The following GALNT13 variants were observed in gnomAD, a reference collection of about 807,000 sequenced individuals.
The protein encoded by GALNT13 is polypeptide N-acetylgalactosaminyltransferase 13, also known as UDP-GalNAc:polypeptide N-acetylgalactosaminyltransferase 13.
In GALNT13, 28 loss-of-function variants were observed where a neutral mutation model predicts 64.2. The observed-to-expected ratio is 0.44, with a 90% CI of 0.32 to 0.60. The LOEUF (loss-of-function observed/expected upper bound fraction) is 0.60, where lower values mean the gene tolerates loss of function less well. Ranked by LOEUF, GALNT13 falls within the 20% of genes least tolerant of loss-of-function variation. GALNT13 has a pLI of 0.05. For synonymous variants in GALNT13, 214 were observed against 224.6 expected, an observed-to-expected ratio of 0.95 and a Z score of 0.42; for missense variants, 577 against 669.8, an observed-to-expected ratio of 0.86 and a Z score of 1.53.
chr2:153,573,592 G>A, the GALNT13 span, among the ~76,000 whole-genome samples: 1 of 151,776 alleles, frequency 6.6e-6, no homozygotes, highest in Non-Finnish European at 1.5e-5. Context: ...TTTATTTTTT[G>A]TGTATCCATT....
chr2:153,996,248 C>T (rs757636304), intron 3 of GALNT13, among the ~76,000 whole-genome samples: 1 of 152,050 alleles, frequency 6.6e-6, no homozygotes, highest in African/African-American at 2.4e-5. Flanking sequence ...TGAGGAACTT[C>T]TATACTATTT....
the GALNT13 span, among the ~76,000 whole-genome samples, chr2:153,485,556 T>C: frequency 1.3e-5 from 2 of 152,202 alleles, no homozygotes; most frequent in Admixed American, 1.3e-4. Flanking sequence ...ACACAATTTT[T>C]GAATTCAGAA....
intron 9 of GALNT13, among the ~76,000 whole-genome samples, chr2:154,312,856 T>A (rs1017013796): frequency 1.3e-4 from 20 of 152,160 alleles, no homozygotes; most frequent in Non-Finnish European, 2.9e-5. Flanking sequence ...AGGGGCTTTG[T>A]TTGTATACAT....
chr2:153,916,289 C>T (rs73009816), intron 2 of GALNT13, among the ~76,000 whole-genome samples: 9,921 of 151,682 alleles, frequency 0.065, 494 homozygotes, highest in South Asian at 0.13. Context: ...CCTGAGTATC[C>T]GGGATGATTG....
At position 154,356,606 on chromosome 2, in the gene GALNT13, A is replaced by G. The variant is rs541278910; in HGVS notation, c.1157-39385A>G. ...CTTCATCACTGGCACATCTTTTTGT[A>G]AATAACTACCTTTCCTCAATTTTAT... On this transcript the variant is annotated intron_variant, in intron 9 of 12. Coordinates refer to ENST00000392825, the MANE Select transcript of GALNT13 (RefSeq NM_052917.4). Among the ~76,000 whole-genome samples the G allele has an allele frequency of 1.2e-3, 186 of 152,106 alleles. 1 individual carries two copies. The highest frequency in any genetic ancestry group is 4.3e-3 in the African/African-American group (178 of 41,550).
chr2:154,101,970 T>A (rs67906779), intron 3 of GALNT13, among the ~76,000 whole-genome samples: 7,682 of 152,218 alleles, frequency 0.05, 260 homozygotes, highest in South Asian at 0.11. Flanking sequence ...CCTCTTGGTG[T>A]TGATTTCTCA....
the GALNT13 span, among the ~76,000 whole-genome samples, chr2:153,592,064 TTATATA>T: frequency 6.7e-6 from 1 of 149,408 alleles, no homozygotes. Context: ...GGTTAACAGA[TTATATA>T]TATATATATA....
the GALNT13 span, among the ~76,000 whole-genome samples, chr2:153,573,342 G>T: frequency 2.0e-5 from 3 of 151,826 alleles, no homozygotes; most frequent in African/African-American, 7.3e-5. Flanking sequence ...CTTTTTAGAT[G>T]CAGTGTATTT....
the GALNT13 span, among the ~76,000 whole-genome samples, chr2:153,811,991 T>A: frequency 1.3e-5 from 2 of 152,216 alleles, no homozygotes; most frequent in Admixed American, 1.3e-4. Flanking sequence ...ATTATTTGCA[T>A]ATGTTTGCAT....
At chr2:154,267,707 G>A (rs1047430953) in intron 8 of GALNT13, among the ~76,000 whole-genome samples, 1 of 151,878 alleles carries the variant, frequency 6.6e-6, no homozygotes, top group African/African-American at 2.4e-5. Flanking sequence ...GAGAAGTGAA[G>A]GCACTGACAG....
the GALNT13 span, among the ~76,000 whole-genome samples, chr2:153,436,652 T>C: frequency 6.6e-6 from 1 of 152,336 alleles, no homozygotes; most frequent in Admixed American, 6.5e-5. Flanking sequence ...GTAGTTTGTA[T>C]TTCTGTGGGA....
the GALNT13 span, among the ~76,000 whole-genome samples, chr2:153,282,415 T>C: frequency 6.6e-6 from 1 of 152,194 alleles, no homozygotes; most frequent in South Asian, 2.1e-4. Context: ...GGATAGCTAG[T>C]GTGATCCTTT....
intron 9 of GALNT13, among the ~76,000 whole-genome samples, chr2:154,332,464 A>G (rs1695218753): frequency 1.3e-5 from 2 of 152,100 alleles, no homozygotes; most frequent in African/African-American, 4.8e-5. Context: ...AGATGTTAAA[A>G]AGACATGATG....
At chr2:153,882,126 T>A (rs1278791733) in intron 1 of GALNT13, among the ~76,000 whole-genome samples, 1 of 149,828 alleles carries the variant, frequency 6.7e-6, no homozygotes, top group Admixed American at 6.8e-5. Context: ...GTTATAAAAC[T>A]ATTACAAATT....
the GALNT13 span, among the ~76,000 whole-genome samples, chr2:153,565,264 A>G: frequency 2.6e-5 from 4 of 152,200 alleles, no homozygotes; most frequent in Non-Finnish European, 5.9e-5. Context: ...GAAGAAAAGG[A>G]AGGAAAAACA....
the GALNT13 span, among the ~76,000 whole-genome samples, chr2:153,556,153 A>G: frequency 2.0e-5 from 3 of 152,050 alleles, no homozygotes; most frequent in Admixed American, 6.6e-5. Context: ...TTACATAATG[A>G]CTTCCACTTT....
chr2:154,242,848 A>G lies in GALNT13; in HGVS notation c.629A>G (p.His210Arg). The G allele has an allele frequency of 6.2e-7, 1 of 1,614,172 alleles. No homozygotes were observed. Among genetic ancestry groups the G allele is most frequent in the Non-Finnish European group, 8.5e-7 (1 of 1,180,014 alleles). The change falls in exon 6 of 13, where the codon CAC (histidine) becomes CGC (arginine). Residue 210 changes from histidine (H) to arginine (R), a missense_variant. Physicochemically the swap from His to Arg is conservative, Grantham distance 29 (BLOSUM62 0). Coordinates refer to ENST00000392825, the MANE Select transcript of GALNT13 (RefSeq NM_052917.4). ...CAGGTCATAACTTTTCTTGATGCAC[A>G]CTGTGAATGCACGTTAGGATGGCTG... ...KGQVITFLDA[H>R]CECTLGWLEP...
At chr2:154,421,378 C>T (rs1365691029) in intron 11 of GALNT13, among the ~76,000 whole-genome samples, 1 of 151,988 alleles carries the variant, frequency 6.6e-6, no homozygotes, top group Non-Finnish European at 1.5e-5. Context: ...ATGGCTAAAA[C>T]ACAATGTTTT....
intron 1 of GALNT13, among the ~76,000 whole-genome samples, chr2:153,900,438 A>G (rs931479155): frequency 3.3e-5 from 5 of 152,148 alleles, no homozygotes; most frequent in African/African-American, 1.2e-4. Context: ...ATGGATTTCA[A>G]TTAGAATTTA....
Sources: allele counts gnomAD v4.1 joint callset (sites outside exome capture counted in the v4.1 genomes callset), GRCh38; gene constraint gnomAD v4.1.1; transcripts MANE v1.5; gene names NCBI Gene and HGNC (gene_info 2026-07-23, HGNC 2026-07-21).